Variants in NEB observed in about 807,000 individuals in gnomAD.
The protein encoded by NEB is nemaline myopathy type 2.
In NEB, 512 loss-of-function variants were observed where a neutral mutation model predicts 952.2. The ratio of observed to expected loss-of-function variants is 0.54; its 90% CI spans 0.50 to 0.58. The LOEUF is 0.58. NEB is among the 20% of genes least tolerant of loss of function. The pLI is 0.00. For synonymous variants in NEB, 2,900 were observed against 3,149.8 expected (o/e 0.92, Z 2.66); for missense variants, 8,428 against 9,231.1 (o/e 0.91, Z 3.56).
rs375510817 is a variant in NEB at position 151,687,466 on chromosome 2, C to T, written c.2590G>A (p.Asp864Asn). ...TTCAAGGAGTGCAGCATCTTTGGAT[C>T]GTCATTAATGCTGAGGGCTCCAATC... is the stretch of plus-strand genomic sequence containing the variant. ...KMIGALSINDDPKMLHSLKTA... is the reference protein window; with the variant it reads ...KMIGALSINDNPKMLHSLKTA... The change falls in exon 27 of 182, where the codon GAT (aspartate) becomes AAT (asparagine). Residue 864 changes from aspartate to asparagine, a missense_variant. Around this residue, in one of 11 missense-constraint regions of NEB, gnomAD observed 2,851 missense variants for 2,791.5 expected, o/e 1.02. Coordinates refer to ENST00000397345, the MANE Select transcript of NEB (RefSeq NM_001164508.2). The T allele has an allele frequency of 9.9e-6, 16 of 1,614,000 alleles. No homozygotes were observed. In the South Asian group the frequency reaches 1.3e-4, roughly 13 times the overall value.
intron 147 of NEB, 42 bp downstream of exon 147, chr2:151,527,439 T>C (rs201897684): frequency 1.0e-4 from 134 of 1,323,090 alleles, no homozygotes; most frequent in Non-Finnish European, 1.3e-4. Context: ...ATTTCTCAGG[T>C]GCAGTATGCA....
intron 75 of NEB, 65 bp downstream of exon 75, chr2:151,617,298 TA>T: frequency 8.9e-7 from 1 of 1,122,314 alleles, no homozygotes; most frequent in Non-Finnish European, 1.3e-6. Flanking sequence ...AACCTTTTCC[TA>T]AGGAAACAGC....
Position 151,498,330 on chromosome 2 carries a change from C to T in NEB, c.24137G>A (p.Gly8046Glu), listed in dbSNP as rs766357828. 1.5e-5 allele frequency: 23 copies of T among 1,550,766 alleles called. No individual in the cohort carries two copies. The highest frequency in any genetic ancestry group is 1.7e-5 in the Non-Finnish European group (20 of 1,146,590). The change falls in exon 170 of 182, where the codon GGG (glycine) becomes GAG (glutamate). Residue 8046 changes from glycine (G) to glutamate (E), a missense_variant. Coordinates refer to ENST00000397345, the MANE Select transcript of NEB (RefSeq NM_001164508.2). ...AGTGATGGGGATTGGAATTCCTGTC[C>T]CCAGGTTTTCTTTGTATAGCACCTG... ...FSSVLYKENLGTGIPIPITPE... is the reference protein window; with the variant it reads ...FSSVLYKENLETGIPIPITPE...
intron 167 of NEB, among the ~76,000 whole-genome samples, chr2:151,502,387 TAAAA>T (rs34816284): frequency 6.9e-6 from 1 of 145,452 alleles, no homozygotes; most frequent in Non-Finnish European, 1.5e-5. Context: ...CATCTAAACA[TAAAA>T]AAAAAAAAAC....
intron 109 of NEB, among the ~76,000 whole-genome samples, chr2:151,569,615 G>A (rs1466910060): frequency 1.3e-5 from 2 of 152,130 alleles, no homozygotes; most frequent in African/African-American, 2.4e-5. Context: ...GTTACTAAGG[G>A]ATAATTCAGA....
rs761290379 is a variant in NEB, at chr2:151,679,705, C to A, written c.3255+16G>T. The A allele has an allele frequency of 2.7e-5, 25 of 941,906 alleles. No homozygotes were observed. Among genetic ancestry groups the A allele is most frequent in the Non-Finnish European group, 3.3e-5 (21 of 643,858 alleles). 58.3% of individuals were successfully genotyped at this position (941,906 alleles called of 1,614,324 possible). A position where few individuals can be genotyped will look rare whatever the true frequency, so the allele number is the denominator to read the frequency against. On this transcript the variant is annotated intron_variant, in intron 32 of 181. Transcript: ENST00000397345. Reference sequence around the variant, plus strand: ...ACATTTTCTAGTTGCCCATGTATGACCACAGCTGGACTTACGTCACTCGCC... The same window carrying A: ...ACATTTTCTAGTTGCCCATGTATGAACACAGCTGGACTTACGTCACTCGCC...
chr2:151,619,670 G>A lies in NEB; in HGVS notation c.10653C>T (p.His3551=), dbSNP rs369508429. The change falls in exon 73 of 182, where the codon CAC becomes CAT. Residue 3551 remains histidine, a synonymous_variant. Coordinates refer to ENST00000397345, the MANE Select transcript of NEB (RefSeq NM_001164508.2). ...HDDPKIMWSL[H]IAKVQSDREY... Reference sequence around the variant, plus strand: ...CACGGTCACTCTGCACTTTGGCAATGTGGAGGGACCACATTATCTTGGGGT... The same window carrying A: ...CACGGTCACTCTGCACTTTGGCAATATGGAGGGACCACATTATCTTGGGGT... 15 of 1,613,872 alleles carry A rather than the reference G, an allele frequency of 9.3e-6. No homozygotes were observed. In the African/African-American group the frequency reaches 1.9e-4, roughly 20 times the overall value.
intron 13 of NEB, among the ~76,000 whole-genome samples, chr2:151,704,495 T>C (rs2099694943): frequency 6.6e-6 from 1 of 151,556 alleles, no homozygotes; most frequent in African/African-American, 2.4e-5. Flanking sequence ...CAGACTGCTG[T>C]GCTAGCAATC....
At chr2:151,642,091 G>A (rs1237084057) in intron 60 of NEB, among the ~76,000 whole-genome samples, 1 of 152,194 alleles carries the variant, frequency 6.6e-6, no homozygotes, top group African/African-American at 2.4e-5. Flanking sequence ...GTGACAGTGA[G>A]CAAATCCATC....
Position 151,524,370 on chromosome 2 carries a change from T to C in NEB, c.22420A>G (p.Ser7474Gly). 1 of 1,614,024 alleles carries C rather than the reference T, an allele frequency of 6.2e-7. No individual in the cohort carries two copies. Among genetic ancestry groups the C allele is most frequent in the South Asian group, 1.1e-5 (1 of 91,092 alleles). The change falls in exon 153 of 182, where the codon AGC becomes GGC. Residue 7474 changes from serine to glycine, a missense_variant. Ser to Gly is a moderately conservative substitution (Grantham distance 56). Coordinates refer to ENST00000397345, the MANE Select transcript of NEB (RefSeq NM_001164508.2). ...TCTATGTCTGGGCGACCGAGCATGCTTAAGCCATGGCTGCCTTCCTTGCGG... is the reference window on the plus strand; with the variant it reads ...TCTATGTCTGGGCGACCGAGCATGCCTAAGCCATGGCTGCCTTCCTTGCGG... ...KHRKEGSHGLSMLGRPDIEMA... is the reference protein window; with the variant it reads ...KHRKEGSHGLGMLGRPDIEMA...
At chr2:151,489,427 C>T (rs1186552230) in intron 181 of NEB, among the ~76,000 whole-genome samples, 1 of 152,154 alleles carries the variant, frequency 6.6e-6, no homozygotes, top group African/African-American at 2.4e-5. Flanking sequence ...GAGACAGGGT[C>T]TCCCTCTGTC....
At chr2:151,729,320 G>T (rs2099800028) in intron 4 of NEB, among the ~76,000 whole-genome samples, 2 of 152,144 alleles carry the variant, frequency 1.3e-5, no homozygotes, top group South Asian at 4.1e-4. Flanking sequence ...GGAGAATGGT[G>T]ATAGCCACTG....
At chr2:151,518,829 A>C in intron 155 of NEB, 136 bp downstream of exon 155, 1 of 624,772 alleles carries the variant, frequency 1.6e-6, no homozygotes, top group Non-Finnish European at 2.9e-6. Flanking sequence ...CATTTGGAAG[A>C]ATACACTCAA....
At chr2:151,698,891 T>A (rs2099622176) in intron 13 of NEB, among the ~76,000 whole-genome samples, 1 of 150,520 alleles carries the variant, frequency 6.6e-6, no homozygotes, top group Non-Finnish European at 1.5e-5. Context: ...AATTATACTT[T>A]AAGTTTTAGG....
At chr2:151,731,328 TTC>T (rs976386882) in intron 3 of NEB, among the ~76,000 whole-genome samples, 4 of 152,352 alleles carry the variant, frequency 2.6e-5, no homozygotes, top group African/African-American at 7.2e-5. Flanking sequence ...GCATCCTTGC[TTC>T]TCTCTCTTTC....
intron 20 of NEB, among the ~76,000 whole-genome samples, chr2:151,693,050 T>C (rs542901451): frequency 2.0e-5 from 3 of 152,270 alleles, no homozygotes; most frequent in African/African-American, 7.2e-5. Context: ...CCTTAGATAA[T>C]TAAGCACAGT....
chr2:151,498,577 G>A (rs1363912300), intron 169 of NEB, among the ~76,000 whole-genome samples: 3 of 152,102 alleles, frequency 2.0e-5, no homozygotes, highest in African/African-American at 7.2e-5. Context: ...AAGAAAGGTT[G>A]TTATTTTCAT....
At chr2:151,490,324 A>G (rs1398028761) in intron 180 of NEB, 48 bp downstream of exon 180, 52 of 1,563,960 alleles carry the variant, frequency 3.3e-5, no homozygotes, top group Middle Eastern at 1.7e-4. Flanking sequence ...GTAACCATCA[A>G]TGAGCTGGCC....
chr2:151,528,391 A>G (rs529175229), intron 146 of NEB, among the ~76,000 whole-genome samples: 1 of 152,154 alleles, frequency 6.6e-6, no homozygotes, highest in Non-Finnish European at 1.5e-5. Context: ...TTTTCCCCTC[A>G]TTTTATTTTG....
Sources: gnomAD v4.1 joint callset for allele counts (sites outside exome capture counted in the v4.1 genomes callset) on GRCh38, gnomAD v4.1.1 for gene constraint, gnomAD v4.1.1 regional missense constraint, MANE v1.5 for transcripts, NCBI Gene and HGNC (gene_info 2026-07-23, HGNC 2026-07-21) for gene names.